Variants in CLDN18 observed in about 807,000 individuals in gnomAD.
CLDN18 encodes the protein claudin-18.
A neutral mutation model predicts 25.0 loss-of-function variants in CLDN18; 20 were observed. The ratio of observed to expected loss-of-function variants is 0.80; its 90% CI spans 0.56 to 1.16. CLDN18 has a LOEUF of 1.16. Among genes scored for constraint, CLDN18 ranks in the 50% most tolerant of loss-of-function variants. The probability of loss-of-function intolerance (pLI) is 0.00; values close to 1 mark genes in which losing one functional copy is unlikely to be tolerated. For synonymous variants in CLDN18, 125 were observed against 135.6 expected, an observed-to-expected ratio of 0.92 and a Z score of 0.54; for missense variants, 297 against 345.4, an observed-to-expected ratio of 0.86 and a Z score of 1.11.
intron 1 of CLDN18, among the ~76,000 whole-genome samples, chr3:138,019,135 C>G (rs928196603): frequency 6.6e-6 from 1 of 152,208 alleles, no homozygotes; most frequent in Non-Finnish European, 1.5e-5. Flanking sequence ...CAAGTAGCAT[C>G]TGATCCTCAC....
chr3:138,007,142 A>G (rs1304457072), upstream of CLDN18, among the ~76,000 whole-genome samples: 1 of 152,220 alleles, frequency 6.6e-6, no homozygotes, highest in Non-Finnish European at 1.5e-5. Context: ...AATCAAACCA[A>G]TAGAGCTTTT....
chr3:138,029,836 T>A lies in CLDN18; in HGVS notation c.543T>A (p.Ala181=), dbSNP rs779276838. 16 of 1,594,210 alleles carry A rather than the reference T, an allele frequency of 1.0e-5. No homozygotes were observed. The East Asian group carries it at 2.9e-4, about 29-fold the overall frequency. ...CGGCTCTGTTCGTGGGCTGGGTCGC[T>A]GGAGGCCTCACACTAATTGGGGGTG... ...FGAALFVGWV[A]GGLTLIGGVM... is the part of the protein sequence containing the mutation. The change falls in exon 4 of 5, where the codon GCT becomes GCA. Residue 181 remains alanine (A), a synonymous_variant. Transcript: ENST00000183605.
intron 1 of CLDN18, among the ~76,000 whole-genome samples, chr3:138,021,635 T>C (rs912909673): frequency 1.3e-5 from 2 of 152,206 alleles, no homozygotes; most frequent in African/African-American, 4.8e-5. Context: ...TGAACAGTTA[T>C]TGCTTATATA....
rs747439048 is a variant in CLDN18, at chr3:138,010,204, G to A, written c.-22G>A. The A allele has an allele frequency of 1.2e-6, 2 of 1,607,428 alleles. No individual in the cohort carries two copies. Among genetic ancestry groups the A allele is most frequent in the South Asian group, 2.2e-5 (2 of 90,254 alleles). The stretch of plus-strand genomic sequence containing the variant: ...AGGAGGGCGGCAGCTTCTCGCAGGC[G>A]GCAGGGCGGGCGGCCAGGATCATGT... On this transcript the variant is annotated 5_prime_UTR_variant, in exon 1 of 5. Coordinates refer to ENST00000183605, the MANE Select transcript of CLDN18 (RefSeq NM_016369.4).
chr3:138,021,649 A>C (rs1481099311), intron 1 of CLDN18, among the ~76,000 whole-genome samples: 1 of 152,160 alleles, frequency 6.6e-6, no homozygotes, highest in East Asian at 1.9e-4. Flanking sequence ...TTATATAACT[A>C]GGGAAAAAAA....
intron 2 of CLDN18, 52 bp from the exon 3 acceptor site, chr3:138,024,555 C>T: frequency 9.0e-7 from 1 of 1,106,810 alleles, no homozygotes; most frequent in South Asian, 1.3e-5. Flanking sequence ...GCCTCAGAAA[C>T]ATTGTAATCC....
At chr3:138,001,796 CTTACT>C (rs984708782) in intron 1 of CLDN18, among the ~76,000 whole-genome samples, 4 of 152,108 alleles carry the variant, frequency 2.6e-5, no homozygotes, top group African/African-American at 4.8e-5. Context: ...CTAAAGTATA[CTTACT>C]TTAATGTTAT....
intron 1 of CLDN18, among the ~76,000 whole-genome samples, chr3:138,013,401 G>T (rs1057057661): frequency 1.3e-5 from 2 of 152,164 alleles, no homozygotes; most frequent in African/African-American, 4.8e-5. Context: ...ACATCTCAAT[G>T]GCTTGACACA....
intron 4 of CLDN18, among the ~76,000 whole-genome samples, chr3:138,030,237 A>G (rs1431573808): frequency 6.6e-6 from 1 of 152,232 alleles, no homozygotes; most frequent in African/African-American, 2.4e-5. Flanking sequence ...TTTAACTGTT[A>G]CAATTTTGGG....
Position 138,031,003 on chromosome 3 carries a change from C to T in CLDN18, c.648C>T (p.His216=). ...CCGTTTCTTATCATGCCTCAGGCCACAGTGTTGCCTACAAGCCTGGAGGCT... is the reference window on the plus strand; with the variant it reads ...CCGTTTCTTATCATGCCTCAGGCCATAGTGTTGCCTACAAGCCTGGAGGCT... The part of the protein sequence containing the change: ...YKAVSYHASG[H]SVAYKPGGFK... Residue 216 remains histidine (H), a synonymous_variant, in exon 5 of 5, where the codon CAC becomes CAT. Transcript: ENST00000183605. 7.4e-6 allele frequency: 12 copies of T among 1,614,024 alleles called. No individual in the cohort carries two copies. Among genetic ancestry groups the T allele is most frequent in the South Asian group, 1.1e-5 (1 of 91,066 alleles).
In CLDN18 at chr3:138,032,608, G is replaced by C. The variant is rs939399509; in HGVS notation, c.*1467G>C. The C allele has an allele frequency of 6.6e-6, 1 of 152,142 alleles. No homozygotes were observed. Among genetic ancestry groups the C allele is most frequent in the Admixed American group, 6.5e-5 (1 of 15,276 alleles). 9.4% of individuals were successfully genotyped at this position (152,142 alleles called of 1,614,324 possible). On this transcript the variant is annotated 3_prime_UTR_variant, in exon 5 of 5. Transcript: ENST00000183605. ...TAGCACTTTCCTGGCACTGTGGTCG[G>C]TTTTGTTTTGTTTTGCTTTGTTTAG...
intron 1 of CLDN18, among the ~76,000 whole-genome samples, chr3:138,001,455 C>T (rs2107873369): frequency 6.6e-6 from 1 of 151,686 alleles, no homozygotes; most frequent in African/African-American, 2.4e-5. Context: ...ATCTCCTGAC[C>T]TCATGATCCG....
intron 1 of CLDN18, among the ~76,000 whole-genome samples, chr3:138,011,018 T>A (rs1412249695): frequency 1.3e-5 from 2 of 152,114 alleles, no homozygotes; most frequent in African/African-American, 4.8e-5. Context: ...TATCAAAATA[T>A]AATTACAGAA....
At position 138,010,253 on chromosome 3, in the gene CLDN18, G is replaced by A. The variant is rs761875755; in HGVS notation, c.28G>A (p.Ala10Thr). 1.2e-6 allele frequency: 2 copies of A among 1,613,740 alleles called. No homozygotes were observed. The highest frequency in any genetic ancestry group is 2.7e-5 in the African/African-American group (2 of 75,044). The stretch of plus-strand genomic sequence containing the variant: ...GTCCACCACCACATGCCAAGTGGTG[G>A]CGTTCCTCCTGTCCATCCTGGGGCT... MSTTTCQVV[A>T]FLLSILGLAG... The change falls in exon 1 of 5, where the codon GCG becomes ACG. Residue 10 changes from alanine to threonine, a missense_variant. Coordinates refer to ENST00000183605, the MANE Select transcript of CLDN18 (RefSeq NM_016369.4).
At chr3:138,007,616 T>C (rs1006988789), upstream of CLDN18, among the ~76,000 whole-genome samples, 2 of 152,154 alleles carry the variant, frequency 1.3e-5, no homozygotes, top group Non-Finnish European at 2.9e-5. Context: ...GGCACATGTA[T>C]ACCTATGTAA....
At position 138,028,652 on chromosome 3, in the gene CLDN18, T is replaced by C. The variant is rs531514061; in HGVS notation, c.504-1145T>C. 2.6e-5 allele frequency among the ~76,000 whole-genome samples: 4 copies of C among 152,352 alleles called. No individual in the cohort carries two copies. In the East Asian group the frequency reaches 7.7e-4, roughly 29 times the overall value. ...TATCAGCTGGCATTAAAATACGCAC[T>C]GACATCCTAATAGTTTTTGGTCACT... On this transcript the variant is annotated intron_variant, in intron 3 of 4. Coordinates refer to ENST00000183605, the MANE Select transcript of CLDN18 (RefSeq NM_016369.4).
intron 3 of CLDN18, 79 bp from the exon 4 acceptor site, chr3:138,029,718 A>C: frequency 1.2e-6 from 1 of 831,216 alleles, no homozygotes; most frequent in South Asian, 1.8e-5. Context: ...GGACAGAAAG[A>C]ACAGGCACAG....
chr3:138,019,156 A>C (rs1942243133), intron 1 of CLDN18, among the ~76,000 whole-genome samples: 1 of 152,224 alleles, frequency 6.6e-6, no homozygotes, highest in Admixed American at 6.5e-5. Context: ...AGATCTATGC[A>C]AGAGATATCT....
intron 3 of CLDN18, among the ~76,000 whole-genome samples, chr3:138,026,047 G>C (rs888341132): frequency 1.6e-4 from 25 of 152,158 alleles, no homozygotes; most frequent in African/African-American, 6.0e-4. Context: ...ATGGGCAGCT[G>C]TCTTTCCCTT....
Sources: gnomAD v4.1 joint callset for allele counts (sites outside exome capture counted in the v4.1 genomes callset) on GRCh38, gnomAD v4.1.1 for gene constraint, MANE v1.5 for transcripts, NCBI Gene and HGNC (gene_info 2026-07-23, HGNC 2026-07-21) for gene names.